ZNF696: variants seen among roughly 807,000 people sequenced by gnomAD.
ZNF696 encodes zinc finger protein 696.
ZNF696 carries 10 observed loss-of-function variants against 12.3 expected under a neutral mutation model. That is an observed-to-expected ratio of 0.81 (90% CI 0.50 to 1.38). The LOEUF (loss-of-function observed/expected upper bound fraction) is 1.38. Ranked by LOEUF, ZNF696 falls within the 40% of genes most tolerant of loss-of-function variation. The pLI is 0.00. For missense variants in ZNF696, 675 were observed against 554.7 expected, an observed-to-expected ratio of 1.22 and a Z score of -2.18; for synonymous variants, 304 against 243.9, an observed-to-expected ratio of 1.25 and a Z score of -2.29.
At position 143,296,246 on chromosome 8, in the gene ZNF696, G is replaced by T; in HGVS notation, c.571G>T (p.Gly191Cys). The change falls in exon 3 of 3, where the codon GGC (glycine) becomes TGC (cysteine). Residue 191 changes from glycine (G) to cysteine (C), a missense_variant. Physicochemically the swap from Gly to Cys is radical, Grantham distance 159. Coordinates refer to ENST00000330143, the MANE Select transcript of ZNF696 (RefSeq NM_030895.3). The stretch of plus-strand genomic sequence containing the variant: ...GTGCGCCGAGTGCGGCAAGGCCTTC[G>T]GCCAGAGCTTCAACCTCCTCCGGCA... ...YACAECGKAF[G>C]QSFNLLRHQR... 6.3e-7 allele frequency: 1 copy of T among 1,594,228 alleles called. No individual in the cohort carries two copies. The highest frequency in any genetic ancestry group is 8.5e-7 in the Non-Finnish European group (1 of 1,174,598).
chr8:143,296,748 T>C lies in ZNF696; in HGVS notation c.1073T>C (p.Phe358Ser). ...CGCTGCACCGAGTGCGGCCGCGCCT[T>C]CCGCCTGAGCTTCCACCTCATCCAG... is the stretch of plus-strand genomic sequence containing the variant. ...PFRCTECGRA[F>S]RLSFHLIQHR... The change falls in exon 3 of 3, where the codon TTC becomes TCC. Residue 358 changes from phenylalanine to serine, a missense_variant. Coordinates refer to ENST00000330143, the MANE Select transcript of ZNF696 (RefSeq NM_030895.3). 4.0e-6 allele frequency: 6 copies of C among 1,485,066 alleles called. No homozygotes were observed. The highest frequency in any genetic ancestry group is 5.3e-6 in the Non-Finnish European group (6 of 1,127,758). The allele number at this position is 1,485,066 out of a possible 1,614,324, so 92.0% of individuals were successfully genotyped here.
rs1231014411 is a variant in ZNF696 at position 143,292,983 on chromosome 8, A to G, written c.-19A>G. The G allele has an allele frequency of 8.7e-6, 14 of 1,613,436 alleles. No individual in the cohort carries two copies. Among genetic ancestry groups the G allele is most frequent in the South Asian group, 3.3e-5 (3 of 90,944 alleles). On this transcript the variant is annotated 5_prime_UTR_variant, in exon 2 of 3. Coordinates refer to ENST00000330143, the MANE Select transcript of ZNF696 (RefSeq NM_030895.3). ...TTTTACCTAAGCAGAAATTGTTCCA[A>G]CTGCTGGTGTTCTGCAAGATGGAGC...
At chr8:143,295,580 TA>T (rs941977241) in intron 2 of ZNF696, 159 bp from the exon 3 acceptor site, 35 of 825,694 alleles carry the variant, frequency 4.2e-5, no homozygotes, top group Non-Finnish European at 5.8e-5. Flanking sequence ...AGAAAAAAAC[TA>T]AAAAAAACGA....
rs1371696968 is a variant in ZNF696, at chr8:143,295,935, C to T, written c.260C>T (p.Pro87Leu). Residue 87 changes from proline (P) to leucine (L), a missense_variant, in exon 3 of 3, where the codon CCT becomes CTT. Pro to Leu is a moderately conservative substitution (Grantham distance 98, BLOSUM62 -3). Transcript: ENST00000330143. The stretch of plus-strand genomic sequence containing the variant: ...GCCAGAGAGAGGCCCGGAGGTTCCC[C>T]TCGAGGCCCGGTCACTTCTGAGAAA... Reference protein sequence around the residue: ...QEARERPGGSPRGPVTSEKTG... With the variant: ...QEARERPGGSLRGPVTSEKTG... 1 of 1,561,528 alleles carries T rather than the reference C, an allele frequency of 6.4e-7. No individual in the cohort carries two copies. Among genetic ancestry groups the T allele is most frequent in the Non-Finnish European group, 8.7e-7 (1 of 1,152,946 alleles).
In ZNF696 at chr8:143,296,284, C is replaced by T. The variant is rs1225162443; in HGVS notation, c.609C>T (p.His203=). The T allele has an allele frequency of 6.3e-7, 1 of 1,599,226 alleles. No individual in the cohort carries two copies. The highest frequency in any genetic ancestry group is 8.5e-7 in the Non-Finnish European group (1 of 1,176,364). The change falls in exon 3 of 3, where the codon CAC becomes CAT. Residue 203 remains histidine, a synonymous_variant. Transcript: ENST00000330143. ...SFNLLRHQRV[H]TGEKPYACAD... is the part of the protein sequence containing the mutation. The stretch of plus-strand genomic sequence containing the variant: ...ACCTCCTCCGGCACCAGCGCGTGCA[C>T]ACGGGCGAGAAGCCCTACGCGTGCG...
At position 143,296,538 on chromosome 8, in the gene ZNF696, C is replaced by T. The variant is rs532360416; in HGVS notation, c.863C>T (p.Thr288Met). The change falls in exon 3 of 3, where the codon ACG becomes ATG. Residue 288 changes from threonine (T) to methionine (M), a missense_variant. Thr to Met is a moderately conservative substitution (Grantham distance 81). Transcript: ENST00000330143. Reference sequence around the variant, plus strand: ...CTCCTCCAGCACCAGCGCGTGCACACGGGGGAGCGGCCCTTCGCCTGCCAG... The same window carrying T: ...CTCCTCCAGCACCAGCGCGTGCACATGGGGGAGCGGCCCTTCGCCTGCCAG... ...SNLLQHQRVH[T>M]GERPFACQDC... is the part of the protein sequence containing the mutation. The T allele has an allele frequency of 1.9e-6, 3 of 1,603,104 alleles. No individual in the cohort carries two copies. The highest frequency in any genetic ancestry group is 1.3e-5 in the African/African-American group (1 of 74,716).
rs569378410 is a variant in ZNF696, at chr8:143,296,230, G to T, written c.555G>T (p.Glu185Asp). 3 of 1,595,506 alleles carry T rather than the reference G, an allele frequency of 1.9e-6. No individual in the cohort carries two copies. The South Asian group carries it at 3.3e-5, about 18-fold the overall frequency. Residue 185 changes from glutamate to aspartate, a missense_variant, in exon 3 of 3, where the codon GAG (glutamate) becomes GAT (aspartate). Coordinates refer to ENST00000330143, the MANE Select transcript of ZNF696 (RefSeq NM_030895.3). The part of the protein sequence containing the change: ...HSGERPYACA[E>D]CGKAFGQSFN... ...GGGAGAGGCCCTACGCGTGCGCCGA[G>T]TGCGGCAAGGCCTTCGGCCAGAGCT...
rs765024142 is a variant in ZNF696 at position 143,296,725 on chromosome 8, C to T, written c.1050C>T (p.Arg350=). The change falls in exon 3 of 3, where the codon CGC becomes CGT. Residue 350 remains arginine (R), a synonymous_variant. Coordinates refer to ENST00000330143, the MANE Select transcript of ZNF696 (RefSeq NM_030895.3). The part of the protein sequence containing the change: ...QRLHTGEKPF[R]CTECGRAFRL... Reference sequence around the variant, plus strand: ...TCCACACGGGCGAGAAGCCGTTCCGCTGCACCGAGTGCGGCCGCGCCTTCC... The same window carrying T: ...TCCACACGGGCGAGAAGCCGTTCCGTTGCACCGAGTGCGGCCGCGCCTTCC... 28 of 1,537,224 alleles carry T rather than the reference C, an allele frequency of 1.8e-5. No homozygotes were observed. Among genetic ancestry groups the T allele is most frequent in the Non-Finnish European group, 2.4e-5 (28 of 1,151,780 alleles).
Position 143,296,893 on chromosome 8 carries a change from G to GT in ZNF696, c.*94dup, listed in dbSNP as rs140279712. ...TGTCCGCCCCGTGCGCGGTGAGGAAGTAACAGCCGGCTGCGCGCCTGGTTC... is the reference window on the plus strand; with the variant it reads ...TGTCCGCCCCGTGCGCGGTGAGGAAGTTAACAGCCGGCTGCGCGCCTGGTTC... On this transcript the variant is annotated 3_prime_UTR_variant, in exon 3 of 3. Transcript: ENST00000330143. 3,073 of 1,190,306 alleles carry GT rather than the reference G, an allele frequency of 2.6e-3. 53 individuals are homozygous for GT. In the African/African-American group the frequency reaches 0.037, roughly 14 times the overall value. The allele number at this position is 1,190,306 out of a possible 1,614,324, so 73.7% of individuals were successfully genotyped here.
chr8:143,295,512 G>A, intron 2 of ZNF696: 1 of 696,194 alleles, frequency 1.4e-6, no homozygotes, highest in Admixed American at 2.0e-5. Flanking sequence ...CGTTTCTGGA[G>A]TGGCAGTGCA....
In ZNF696 at chr8:143,299,613, G is replaced by A. The variant is rs1011263940; in HGVS notation, c.*2813G>A. Among the ~76,000 whole-genome samples, 3 of 152,150 alleles carry A rather than the reference G, an allele frequency of 2.0e-5. No homozygotes were observed. Among genetic ancestry groups the A allele is most frequent in the Admixed American group, 6.5e-5 (1 of 15,268 alleles). On this transcript the variant is annotated 3_prime_UTR_variant, in exon 3 of 3. Transcript: ENST00000330143. ...CACTCCAGACTGGACAACACAGTGA[G>A]AGCCCATAAAATAAATAAATGAACT... is the stretch of plus-strand genomic sequence containing the variant.
At position 143,296,374 on chromosome 8, in the gene ZNF696, G is replaced by A. The variant is rs552952180; in HGVS notation, c.699G>A (p.Gly233=). 6.3e-7 allele frequency: 1 copy of A among 1,595,430 alleles called. No individual in the cohort carries two copies. Among genetic ancestry groups the A allele is most frequent in the East Asian group, 2.2e-5 (1 of 44,500 alleles). ...CCAAGCACCGCCGCACCCACACCGG[G>A]GAGAGGCTGTACGCGTGCGGCGAGT... is the stretch of plus-strand genomic sequence containing the variant. The part of the protein sequence containing the change: ...DAAKHRRTHT[G]ERLYACGECG... Residue 233 remains glycine (G), a synonymous_variant, in exon 3 of 3, where the codon GGG becomes GGA. Transcript: ENST00000330143.
rs1486206868 is a variant in ZNF696, at chr8:143,296,567, T to C, written c.892T>C (p.Cys298Arg). The C allele has an allele frequency of 6.3e-7, 1 of 1,596,656 alleles. No homozygotes were observed. The highest frequency in any genetic ancestry group is 1.7e-5 in the Admixed American group (1 of 59,346). Reference sequence around the variant, plus strand: ...GGAGCGGCCCTTCGCCTGCCAGGACTGCGGCCGCGCCTTCAGCCGCAGCTC... The same window carrying C: ...GGAGCGGCCCTTCGCCTGCCAGGACCGCGGCCGCGCCTTCAGCCGCAGCTC... Reference protein sequence around the residue: ...TGERPFACQDCGRAFSRSSFL... With the variant: ...TGERPFACQDRGRAFSRSSFL... The change falls in exon 3 of 3, where the codon TGC (cysteine) becomes CGC (arginine). Residue 298 changes from cysteine to arginine, a missense_variant. Transcript: ENST00000330143.
In ZNF696 at chr8:143,297,115, C is replaced by G; in HGVS notation, c.*315C>G. The stretch of plus-strand genomic sequence containing the variant: ...ACGGTCAGCTGCTGCGGGGCAGTGG[C>G]CGGTGATTGAATCGGTCATTCCTCC... On this transcript the variant is annotated 3_prime_UTR_variant, in exon 3 of 3. Transcript: ENST00000330143. The G allele has an allele frequency of 3.4e-6, 1 of 296,772 alleles. No individual in the cohort carries two copies. 18.4% of individuals were successfully genotyped at this position (296,772 alleles called of 1,614,324 possible). A position where few individuals can be genotyped will look rare whatever the true frequency, so the allele number is the denominator to read the frequency against.
chr8:143,294,292 T>C (rs866311772), intron 2 of ZNF696, among the ~76,000 whole-genome samples: 29 of 152,162 alleles, frequency 1.9e-4, no homozygotes, highest in Middle Eastern at 3.2e-3. Context: ...TAACGCAGCC[T>C]GGATGGGGTT....
At chr8:143,293,688 GT>G (rs59518290) in intron 2 of ZNF696, among the ~76,000 whole-genome samples, 51,405 of 152,090 alleles carry the variant, frequency 0.34, 9,969 homozygotes, top group African/African-American at 0.53. Flanking sequence ...CCACGTATGT[GT>G]CCCCTTCTCA....
At position 143,296,465 on chromosome 8, in the gene ZNF696, C is replaced by A. The variant is rs1815717303; in HGVS notation, c.790C>A (p.Pro264Thr). ...CCGGCGGACCCACCACGGGGAGAAC[C>A]CGTACGAGTGCCGGGAGTGCGGCCA... ...RHRRTHHGEN[P>T]YECRECGQAF... is the part of the protein sequence containing the mutation. Residue 264 changes from proline (P) to threonine (T), a missense_variant, in exon 3 of 3, where the codon CCG becomes ACG. Physicochemically the swap from Pro to Thr is conservative, Grantham distance 38. Coordinates refer to ENST00000330143, the MANE Select transcript of ZNF696 (RefSeq NM_030895.3). 6.2e-7 allele frequency: 1 copy of A among 1,608,406 alleles called. No homozygotes were observed. Among genetic ancestry groups the A allele is most frequent in the East Asian group, 2.2e-5 (1 of 44,782 alleles).
rs995448464 is a variant in ZNF696 at position 143,297,066 on chromosome 8, C to T, written c.*266C>T. ...AGGGGTCTGTCCCGGGCCGGCCGCC[C>T]GCCTCTGAGACTCCCCGCCTCCCAC... is the stretch of plus-strand genomic sequence containing the variant. On this transcript the variant is annotated 3_prime_UTR_variant, in exon 3 of 3. Transcript: ENST00000330143. 1.9e-5 allele frequency: 7 copies of T among 367,384 alleles called. No homozygotes were observed. The highest frequency in any genetic ancestry group is 1.2e-4 in the South Asian group (1 of 8,396). The allele number at this position is 367,384 out of a possible 1,614,324, so 22.8% of individuals were successfully genotyped here.
At position 143,291,575 on chromosome 8, in the gene ZNF696, G is replaced by T. The variant is rs1026376267; in HGVS notation, c.-223G>T. The T allele has an allele frequency of 2.6e-5, 26 of 984,242 alleles. No homozygotes were observed. Among genetic ancestry groups the T allele is most frequent in the Non-Finnish European group, 3.1e-5 (26 of 828,846 alleles). 61.0% of individuals were successfully genotyped at this position (984,242 alleles called of 1,614,324 possible). A position where few individuals can be genotyped will look rare whatever the true frequency, so the allele number is the denominator to read the frequency against. ...TCTCCTTGCAGTGCAGGCCCCAGCC[G>T]CTCTCGGGCGCGGCGTGGGGGAGGC... On this transcript the variant is annotated 5_prime_UTR_variant, in exon 1 of 3. Transcript: ENST00000330143.
Sources: allele counts gnomAD v4.1 joint callset (sites outside exome capture counted in the v4.1 genomes callset), GRCh38; gene constraint gnomAD v4.1.1; transcripts MANE v1.5; gene names NCBI Gene and HGNC (gene_info 2026-07-23, HGNC 2026-07-21).